The following CSNK1G3 variants were observed in gnomAD, a reference collection of about 807,000 sequenced individuals.
CSNK1G3 encodes the protein casein kinase 1 gamma 3.
Under a neutral mutation model 64.3 loss-of-function variants are expected in CSNK1G3, and 23 were observed. The ratio of observed to expected loss-of-function variants is 0.36; its 90% confidence interval spans 0.26 to 0.51. The LOEUF (loss-of-function observed/expected upper bound fraction) is 0.51, where lower values mean the gene tolerates loss of function less well. Ranked by LOEUF, CSNK1G3 falls within the 20% of genes least tolerant of loss-of-function variation. CSNK1G3 has a pLI of 0.96. For missense variants in CSNK1G3, 357 were observed against 510.5 expected, an observed-to-expected ratio of 0.70 and a Z score of 2.90; for synonymous variants, 158 against 162.2, an observed-to-expected ratio of 0.97 and a Z score of 0.20.
At chr5:123,601,012 C>T (rs1794406474) in intron 10 of CSNK1G3, among the ~76,000 whole-genome samples, 1 of 151,326 alleles carries the variant, frequency 6.6e-6, no homozygotes, top group African/African-American at 2.4e-5. Context: ...CTGTATAATA[C>T]CTGAATTATT....
intron 4 of CSNK1G3, among the ~76,000 whole-genome samples, chr5:123,572,599 C>T (rs1446828779): frequency 6.6e-6 from 1 of 152,142 alleles, no homozygotes; most frequent in African/African-American, 2.4e-5. Flanking sequence ...TGCTCTCTTC[C>T]AAGTTCACTG....
chr5:123,552,702 A>G (rs1581084232), intron 2 of CSNK1G3, among the ~76,000 whole-genome samples: 1 of 152,332 alleles, frequency 6.6e-6, no homozygotes, highest in East Asian at 1.9e-4. Context: ...ACATCTCATA[A>G]TAATGATGAA....
At chr5:123,542,614 A>G (rs1781851660) in intron 1 of CSNK1G3, among the ~76,000 whole-genome samples, 1 of 152,104 alleles carries the variant, frequency 6.6e-6, no homozygotes, top group Non-Finnish European at 1.5e-5. Context: ...ATATTACTGG[A>G]TGTAGAATTC....
chr5:123,548,239 G>T (rs1235532782), intron 2 of CSNK1G3, among the ~76,000 whole-genome samples: 1 of 151,998 alleles, frequency 6.6e-6, no homozygotes, highest in Non-Finnish European at 1.5e-5. Context: ...CAGGAGGGTG[G>T]CTTGAGGCCA....
intron 4 of CSNK1G3, among the ~76,000 whole-genome samples, chr5:123,561,980 T>C (rs765314086): frequency 2.7e-4 from 41 of 152,292 alleles, no homozygotes; most frequent in Admixed American, 1.3e-3. Context: ...CGAATTGGGC[T>C]TCCTTTTGAA....
intron 6 of CSNK1G3, among the ~76,000 whole-genome samples, chr5:123,579,463 C>T (rs1789833698): frequency 1.3e-5 from 2 of 151,892 alleles, no homozygotes; most frequent in East Asian, 1.9e-4. Flanking sequence ...TCAATTAAAA[C>T]CAGGCACACC....
exon 11 of CSNK1G3, chr5:123,604,768 C>A (rs774105862): frequency 6.2e-7 from 1 of 1,611,712 alleles, no homozygotes; most frequent in Non-Finnish European, 8.5e-7. Context: ...ATGACCCCAC[C>A]GCAGGACGTT....
chr5:123,551,788 T>C (rs1783705046), intron 2 of CSNK1G3, among the ~76,000 whole-genome samples: 1 of 151,756 alleles, frequency 6.6e-6, no homozygotes, highest in African/African-American at 2.4e-5. Flanking sequence ...ACTCTCACTA[T>C]TAAAAAAAAC....
At chr5:123,559,533 C>T (rs562176778) in intron 4 of CSNK1G3, among the ~76,000 whole-genome samples, 1 of 152,112 alleles carries the variant, frequency 6.6e-6, no homozygotes, top group African/African-American at 2.4e-5. Context: ...AGGGTAGTCT[C>T]TGTTTACTAA....
chr5:123,562,523 C>A (rs1785967116), intron 4 of CSNK1G3, among the ~76,000 whole-genome samples: 2 of 151,986 alleles, frequency 1.3e-5, no homozygotes, highest in African/African-American at 4.8e-5. Context: ...GTATAATCTT[C>A]AAATTTCCTA....
At chr5:123,548,611 A>T (rs1309558191) in intron 2 of CSNK1G3, among the ~76,000 whole-genome samples, 1 of 152,060 alleles carries the variant, frequency 6.6e-6, no homozygotes, top group East Asian at 1.9e-4. Flanking sequence ...TAGAATGAAC[A>T]GTCAGGTGTG....
At chr5:123,605,297 T>C in intron 11 of CSNK1G3, 42 bp from the exon 13 acceptor site, 2 of 1,550,200 alleles carry the variant, frequency 1.3e-6, no homozygotes, top group East Asian at 4.5e-5. Flanking sequence ...TCTCTCTCTC[T>C]CTTTTTTTTC....
chr5:123,552,797 C>T (rs761620429), intron 2 of CSNK1G3, among the ~76,000 whole-genome samples: 13 of 152,226 alleles, frequency 8.5e-5, no homozygotes, highest in Non-Finnish European at 1.8e-4. Flanking sequence ...TTTGACCATG[C>T]ATTTGACTAT....
intron 1 of CSNK1G3, among the ~76,000 whole-genome samples, chr5:123,531,164 A>C (rs1175774199): frequency 7.2e-5 from 11 of 152,162 alleles, no homozygotes; most frequent in Admixed American, 7.2e-4. Context: ...ACATTTGACT[A>C]TAAATTTTGA....
chr5:123,585,101 A>G (rs933217481), intron 6 of CSNK1G3, among the ~76,000 whole-genome samples: 2 of 152,082 alleles, frequency 1.3e-5, no homozygotes, highest in African/African-American at 4.8e-5. Context: ...TTTGGGTGGT[A>G]TTGATATGAA....
At chr5:123,613,756 A>G (rs1329140815) in intron 12 of CSNK1G3, among the ~76,000 whole-genome samples, 1 of 152,152 alleles carries the variant, frequency 6.6e-6, no homozygotes, top group Admixed American at 6.5e-5. Flanking sequence ...AATCACCTCA[A>G]TTGTGCTACT....
In CSNK1G3 at chr5:123,540,247, C is replaced by CT. The variant is rs1183035584; in HGVS notation, c.-247-5161dup. On this transcript the variant is annotated intron_variant, in intron 1 of 12. Transcript: ENST00000345990. ...TATGACAGTTTTTATTTGAGGGTCTCTTTTTTTTTCTGTTTTATTTTTCCG... is the reference window on the plus strand; with the variant it reads ...TATGACAGTTTTTATTTGAGGGTCTCTTTTTTTTTTCTGTTTTATTTTTCCG... 7.3e-5 allele frequency among the ~76,000 whole-genome samples: 11 copies of CT among 150,228 alleles called. No individual in the cohort carries two copies. The South Asian group carries it at 1.7e-3, about 23-fold the overall frequency.
chr5:123,521,552 AGGT>A (rs1299942223), intron 1 of CSNK1G3, among the ~76,000 whole-genome samples: 15 of 152,190 alleles, frequency 9.9e-5, no homozygotes, highest in Admixed American at 9.8e-4. Context: ...CTACTAATGA[AGGT>A]GGTTTTTTTA....
chr5:123,555,182 A>G (rs554179000), intron 3 of CSNK1G3, among the ~76,000 whole-genome samples: 1 of 152,274 alleles, frequency 6.6e-6, no homozygotes, highest in South Asian at 2.1e-4. Context: ...AATTATGGTT[A>G]TACATTGTTC....
Sources: gnomAD v4.1 joint callset for allele counts (sites outside exome capture counted in the v4.1 genomes callset) on GRCh38, gnomAD v4.1.1 for gene constraint, MANE v1.5 for transcripts, NCBI Gene and HGNC (gene_info 2026-07-23, HGNC 2026-07-21) for gene names.